Variants in SCARB1 observed in about 807,000 individuals in gnomAD.
SCARB1 encodes the protein scavenger receptor class B member 1, also known as CD36 and LIMPII analogous 1.
Under a neutral mutation model 57.2 loss-of-function variants are expected in SCARB1, and 30 were observed. That is an observed-to-expected ratio of 0.52 (90% CI 0.39 to 0.71). The LOEUF is 0.71. SCARB1 is among the 30% of genes least tolerant of loss of function. The probability of loss-of-function intolerance (pLI) is 0.00; values close to 1 mark genes in which losing one functional copy is unlikely to be tolerated. For missense variants in SCARB1, 543 were observed against 671.2 expected, an observed-to-expected ratio of 0.81 and a Z score of 2.11; for synonymous variants, 249 against 268.3, an observed-to-expected ratio of 0.93 and a Z score of 0.70.
intron 8 of SCARB1, among the ~76,000 whole-genome samples, chr12:124,795,492 A>G (rs767340943): frequency 3.9e-5 from 6 of 152,182 alleles, no homozygotes; most frequent in Non-Finnish European, 8.8e-5. Flanking sequence ...CTAACCCCTT[A>G]TAGGGAAACA....
chr12:124,821,206 C>A (rs1486158510), intron 1 of SCARB1, among the ~76,000 whole-genome samples: 1 of 151,598 alleles, frequency 6.6e-6, no homozygotes, highest in Non-Finnish European at 1.5e-5. Context: ...CCACTGCACT[C>A]CAGCCTGGGC....
At position 124,817,023 on chromosome 12, in the gene SCARB1, T is replaced by C. The variant is rs963105906; in HGVS notation, c.284+527A>G. ...CGGTCCCTGCTCCTGGTCATGCATGTGTGTGTGTGTGTGTGTGTGTGTGTG... is the reference window on the plus strand; with the variant it reads ...CGGTCCCTGCTCCTGGTCATGCATGCGTGTGTGTGTGTGTGTGTGTGTGTG... On this transcript the variant is annotated intron_variant, in intron 2 of 12. Transcript: ENST00000261693. This position sits in a 1 kb window ranked among gnomAD's most constrained non-coding sequence, Gnocchi z 4.8. Among the ~76,000 whole-genome samples the C allele has an allele frequency of 7.7e-5, 3 of 39,100 alleles. No homozygotes were observed. Among genetic ancestry groups the C allele is most frequent in the African/African-American group, 1.3e-4 (1 of 7,644 alleles). 25.7% of individuals were successfully genotyped at this position (39,100 alleles called of 152,430 possible). A position where few individuals can be genotyped will look rare whatever the true frequency, so the allele number is the denominator to read the frequency against.
intron 5 of SCARB1, 92 bp downstream of exon 5, chr12:124,811,778 A>C: frequency 1.2e-6 from 1 of 805,762 alleles, no homozygotes; most frequent in South Asian, 1.4e-5. Context: ...AGGAAGAAGG[A>C]GCTCTCTGGT....
Position 124,828,383 on chromosome 12 carries a change from G to A in SCARB1, c.127-10676C>T, listed in dbSNP as rs117869286. Among the ~76,000 whole-genome samples the A allele has an allele frequency of 3.0e-3, 458 of 152,084 alleles. 1 individual carries two copies. The highest frequency in any genetic ancestry group is 2.8e-3 in the Non-Finnish European group (191 of 67,994). Reference sequence around the variant, plus strand: ...CAGTGAGGCTGCTCTGACCTCATTGGGATTGCAGTTCATGCCCTGTACAAT... The same window carrying A: ...CAGTGAGGCTGCTCTGACCTCATTGAGATTGCAGTTCATGCCCTGTACAAT... On this transcript the variant is annotated intron_variant, in intron 1 of 12. Coordinates refer to ENST00000261693, the MANE Select transcript of SCARB1 (RefSeq NM_005505.5).
chr12:124,843,540 T>G (rs1348904011), intron 1 of SCARB1, among the ~76,000 whole-genome samples: 1 of 152,090 alleles, frequency 6.6e-6, no homozygotes, highest in Non-Finnish European at 1.5e-5. Flanking sequence ...GCTCTGCAGA[T>G]CTGAGGATTG....
intron 1 of SCARB1, among the ~76,000 whole-genome samples, chr12:124,839,450 C>G (rs1341486604): frequency 6.6e-6 from 1 of 152,192 alleles, no homozygotes; most frequent in African/African-American, 2.4e-5. Context: ...TACCCACCAC[C>G]CATCAGCGGA....
chr12:124,798,828 G>A (rs566633366), intron 8 of SCARB1, among the ~76,000 whole-genome samples: 16 of 148,656 alleles, frequency 1.1e-4, no homozygotes, highest in Admixed American at 1.0e-3. Flanking sequence ...TGGGTAACCA[G>A]AGTGAAACTC....
Position 124,812,039 on chromosome 12 carries a change from G to A in SCARB1, c.631-74C>T, listed in dbSNP as rs922736657. ...AGCCGGCCTGGTCTGAACATTCTGG[G>A]CTGAGCCCTCCTCCCCCTCCACCAG... On this transcript the variant is annotated intron_variant, in intron 4 of 12. Transcript: ENST00000261693. The surrounding 1 kb of genome is among the most constrained non-coding windows in gnomAD (Gnocchi z 4.3). The A allele has an allele frequency of 8.7e-7, 1 of 1,145,360 alleles. No homozygotes were observed. The highest frequency in any genetic ancestry group is 2.0e-5 in the Admixed American group (1 of 50,956). 70.9% of individuals were successfully genotyped at this position (1,145,360 alleles called of 1,614,324 possible).
chr12:124,807,942 C>T lies in SCARB1; in HGVS notation c.843-15G>A. 6.2e-7 allele frequency: 1 copy of T among 1,613,890 alleles called. No individual in the cohort carries two copies. Among genetic ancestry groups the T allele is most frequent in the South Asian group, 1.1e-5 (1 of 91,076 alleles). The stretch of plus-strand genomic sequence containing the variant: ...GCTTCATGGATCTGCAGGGGACAGA[C>T]AGGATGAGAGGGGACACCCAGACCC... On this transcript the variant is annotated splice_polypyrimidine_tract_variant and intron_variant, in intron 6 of 12. Transcript: ENST00000261693. The surrounding 1 kb of genome is among the most constrained non-coding windows in gnomAD (Gnocchi z 5.3).
At chr12:124,795,866 A>G (rs1250502567) in intron 8 of SCARB1, among the ~76,000 whole-genome samples, 1 of 152,130 alleles carries the variant, frequency 6.6e-6, no homozygotes, top group Non-Finnish European at 1.5e-5. Flanking sequence ...TTTTACATAG[A>G]GCCTAATATT....
At chr12:124,815,723 G>A (rs1324387334) in intron 2 of SCARB1, among the ~76,000 whole-genome samples, 1 of 152,148 alleles carries the variant, frequency 6.6e-6, no homozygotes, top group Non-Finnish European at 1.5e-5. Context: ...AAAATTAGCT[G>A]GGCATGGTGG....
chr12:124,778,662 C>A lies in SCARB1; in HGVS notation c.*1-76G>T, dbSNP rs539762113. On this transcript the variant is annotated intron_variant, in intron 12 of 12. Coordinates refer to ENST00000261693, the MANE Select transcript of SCARB1 (RefSeq NM_005505.5). ...CCACCCTCATCCCCGCCCACCACAG[C>A]CCTGTACCCACATCCCCAGCAGAGA... The A allele has an allele frequency of 4.6e-6, 6 of 1,317,876 alleles. No homozygotes were observed. In the African/African-American group the frequency reaches 9.4e-5, roughly 21 times the overall value. 81.6% of individuals were successfully genotyped at this position (1,317,876 alleles called of 1,614,324 possible).
At chr12:124,845,729 C>T (rs1404196948) in intron 1 of SCARB1, among the ~76,000 whole-genome samples, 4 of 144,740 alleles carry the variant, frequency 2.8e-5, no homozygotes, top group Middle Eastern at 4.5e-3. Context: ...TGTCCAGGGC[C>T]GGGCACGGTG....
At chr12:124,855,660 C>T (rs1381503908) in intron 1 of SCARB1, among the ~76,000 whole-genome samples, 2 of 152,190 alleles carry the variant, frequency 1.3e-5, no homozygotes, top group East Asian at 1.9e-4. Flanking sequence ...TCTGTGGTGT[C>T]GGAGCTGCCA....
chr12:124,795,103 TG>T, intron 9 of SCARB1, 91 bp downstream of exon 9: 1 of 1,069,864 alleles, frequency 9.3e-7, no homozygotes, highest in Non-Finnish European at 1.5e-6. Flanking sequence ...CCCTGGTTCC[TG>T]GGGTATGTCA....
At chr12:124,811,267 T>C (rs1950516228) in intron 5 of SCARB1, among the ~76,000 whole-genome samples, 1 of 152,212 alleles carries the variant, frequency 6.6e-6, no homozygotes, top group Non-Finnish European at 1.5e-5. Flanking sequence ...TATTTTGTAA[T>C]GTGAATCTCT....
chr12:124,842,199 A>G (rs1305501206), intron 1 of SCARB1, among the ~76,000 whole-genome samples: 2 of 152,102 alleles, frequency 1.3e-5, no homozygotes, highest in East Asian at 3.9e-4. Context: ...GCCCCGTGTC[A>G]CTCCCAGCCA....
intron 7 of SCARB1, among the ~76,000 whole-genome samples, chr12:124,806,392 CAAT>C (rs1221857526): frequency 1.3e-5 from 2 of 152,178 alleles, no homozygotes; most frequent in Non-Finnish European, 2.9e-5. Flanking sequence ...GACACACCAA[CAAT>C]GTCAGGGGAC....
chr12:124,823,542 G>T (rs1339045964), intron 1 of SCARB1, among the ~76,000 whole-genome samples: 2 of 152,146 alleles, frequency 1.3e-5, no homozygotes, highest in African/African-American at 4.8e-5. Context: ...AGTGTAACGT[G>T]GAACAGCCAC....
Sources: allele counts gnomAD v4.1 joint callset (sites outside exome capture counted in the v4.1 genomes callset), GRCh38; gene constraint gnomAD v4.1.1; non-coding constraint Gnocchi (gnomAD v3.1); transcripts MANE v1.5; gene names NCBI Gene and HGNC (gene_info 2026-07-23, HGNC 2026-07-21).